Variants in CDRT15L2 observed in about 807,000 individuals in gnomAD.
The protein encoded by CDRT15L2 is CMT1A duplicated region transcript 15 protein-like protein.
In CDRT15L2, 13 loss-of-function variants were observed where a neutral mutation model predicts 21.5. The observed-to-expected ratio is 0.60, with a 90% CI of 0.39 to 0.96. CDRT15L2 has a LOEUF of 0.96. Among genes scored for constraint, CDRT15L2 ranks in the 40% least tolerant of loss-of-function variants. CDRT15L2 has a pLI of 0.00. For synonymous variants in CDRT15L2, 121 were observed against 144.9 expected (o/e 0.84, Z 1.18); for missense variants, 292 against 354.8 (o/e 0.82, Z 1.42).
chr17:20,580,611 G>A lies in CDRT15L2; in HGVS notation c.728G>A (p.Arg243Lys). The change falls in exon 2 of 2, where the codon AGA becomes AAA. Residue 243 changes from arginine to lysine, a missense_variant. Coordinates refer to ENST00000399044, the MANE Select transcript of CDRT15L2 (RefSeq NM_001190790.2). ...LKSIKTRLGR[R>K]VPAAPPALRR... The stretch of plus-strand genomic sequence containing the variant: ...AGCATTAAAACAAGGCTGGGAAGAA[G>A]AGTTCCAGCAGCTCCTCCTGCTCTC... The A allele has an allele frequency of 6.4e-7, 1 of 1,551,664 alleles. No individual in the cohort carries two copies. The highest frequency in any genetic ancestry group is 8.7e-7 in the Non-Finnish European group (1 of 1,147,058).
Position 20,580,658 on chromosome 17 carries a change from G to A in CDRT15L2, c.775G>A (p.Ala259Thr). The A allele has an allele frequency of 6.4e-7, 1 of 1,556,876 alleles. No individual in the cohort carries two copies. Among genetic ancestry groups the A allele is most frequent in the South Asian group, 1.2e-5 (1 of 84,362 alleles). The change falls in exon 2 of 2, where the codon GCA becomes ACA. Residue 259 changes from alanine (A) to threonine (T), a missense_variant. Transcript: ENST00000399044. Reference sequence around the variant, plus strand: ...TCTCAGACGCAATCTTCTCCTCCAGGCATGGAAGTGTGTCTGCAACTGGGC... The same window carrying A: ...TCTCAGACGCAATCTTCTCCTCCAGACATGGAAGTGTGTCTGCAACTGGGC... ...PALRRNLLLQ[A>T]WKCVCNWASR...
rs775897182 is a variant in CDRT15L2 at position 20,579,850 on chromosome 17, G to A, written c.107G>A (p.Arg36His). Residue 36 changes from arginine (R) to histidine (H), a missense_variant, in exon 1 of 2, where the codon CGC (arginine) becomes CAC (histidine). Transcript: ENST00000399044. ...CRRRLIPHPR[R>H]LWPFVRRRTQ... ...AGAAGGCTCATCCCTCACCCCAGAC[G>A]CCTGTGGCCCTTTGTAAGAAGGCGC... 16 of 1,612,244 alleles carry A rather than the reference G, an allele frequency of 9.9e-6. No individual in the cohort carries two copies. In the South Asian group the frequency reaches 1.1e-4, roughly 11 times the overall value.
Position 20,580,014 on chromosome 17 carries a change from G to T in CDRT15L2, c.265+6G>T, listed in dbSNP as rs1242247607. On this transcript the variant is annotated splice_donor_region_variant and intron_variant, in intron 1 of 1. Coordinates refer to ENST00000399044, the MANE Select transcript of CDRT15L2 (RefSeq NM_001190790.2). ...CATGGAGGCACAGACACATGGTGAG[G>T]TGGCTGCAGCCTGGAAGACTTTGCG... 1.3e-6 allele frequency: 2 copies of T among 1,522,274 alleles called. No individual in the cohort carries two copies. The highest frequency in any genetic ancestry group is 1.8e-6 in the Non-Finnish European group (2 of 1,134,888). The allele number at this position is 1,522,274 out of a possible 1,614,324, so 94.3% of individuals were successfully genotyped here. A position where few individuals can be genotyped will look rare whatever the true frequency, so the allele number is the denominator to read the frequency against.
Position 20,580,347 on chromosome 17 carries a change from G to C in CDRT15L2, c.464G>C (p.Gly155Ala), listed in dbSNP as rs1404244740. ...GLNAGAENVA[G>A]ERSGREGVTS... Reference sequence around the variant, plus strand: ...AATGCTGGAGCTGAAAACGTGGCTGGAGAGAGAAGTGGGAGGGAGGGGGTG... The same window carrying C: ...AATGCTGGAGCTGAAAACGTGGCTGCAGAGAGAAGTGGGAGGGAGGGGGTG... The change falls in exon 2 of 2, where the codon GGA becomes GCA. Residue 155 changes from glycine to alanine, a missense_variant. Gly to Ala is a moderately conservative substitution (Grantham distance 60). Transcript: ENST00000399044. The C allele has an allele frequency of 2.7e-6, 4 of 1,479,516 alleles. No individual in the cohort carries two copies. The highest frequency in any genetic ancestry group is 3.6e-6 in the Non-Finnish European group (4 of 1,108,466). The allele number at this position is 1,479,516 out of a possible 1,614,324, so 91.6% of individuals were successfully genotyped here.
chr17:20,579,753 T>C lies in CDRT15L2; in HGVS notation c.10T>C (p.Cys4Arg). MFS[C>R]CFPTSRGCCF... Reference sequence around the variant, plus strand: ...CGCTCAAGAGAGCAAGATGTTCTCCTGTTGCTTCCCCACTTCGAGAGGTTG... The same window carrying C: ...CGCTCAAGAGAGCAAGATGTTCTCCCGTTGCTTCCCCACTTCGAGAGGTTG... The change falls in exon 1 of 2, where the codon TGT becomes CGT. Residue 4 changes from cysteine (C) to arginine (R), a missense_variant. Physicochemically the swap from Cys to Arg is radical, Grantham distance 180 (BLOSUM62 -3). Transcript: ENST00000399044. 2 of 1,604,222 alleles carry C rather than the reference T, an allele frequency of 1.2e-6. No homozygotes were observed. The highest frequency in any genetic ancestry group is 8.5e-7 in the Non-Finnish European group (1 of 1,176,360).
In CDRT15L2 at chr17:20,580,162, C is replaced by T. The variant is rs1055329969; in HGVS notation, c.279C>T (p.Tyr93=). ...CTCCTTTTTCAGCTCCTGGTCCGTACGCAGACATAGCAGCACTTGCGGCAC... is the reference window on the plus strand; with the variant it reads ...CTCCTTTTTCAGCTCCTGGTCCGTATGCAGACATAGCAGCACTTGCGGCAC... ...MEAQTHAPGP[Y]ADIAALAAPA... Residue 93 remains tyrosine (Y), a synonymous_variant, in exon 2 of 2, where the codon TAC becomes TAT. Coordinates refer to ENST00000399044, the MANE Select transcript of CDRT15L2 (RefSeq NM_001190790.2). 1.7e-5 allele frequency: 25 copies of T among 1,489,006 alleles called. No homozygotes were observed. The highest frequency in any genetic ancestry group is 4.8e-5 in the Admixed American group (2 of 41,664). The allele number at this position is 1,489,006 out of a possible 1,614,324, so 92.2% of individuals were successfully genotyped here.
Position 20,580,021 on chromosome 17 carries a change from C to T in CDRT15L2, c.265+13C>T, listed in dbSNP as rs192887315. 307 of 1,515,168 alleles carry T rather than the reference C, an allele frequency of 2.0e-4. 2 individuals carry two copies. The East Asian group carries it at 7.5e-3, about 37-fold the overall frequency. 93.9% of individuals were successfully genotyped at this position (1,515,168 alleles called of 1,614,324 possible). ...GCACAGACACATGGTGAGGTGGCTG[C>T]AGCCTGGAAGACTTTGCGGGGGCGG... On this transcript the variant is annotated intron_variant, in intron 1 of 1. Coordinates refer to ENST00000399044, the MANE Select transcript of CDRT15L2 (RefSeq NM_001190790.2).
rs147652483 is a variant in CDRT15L2 at position 20,580,084 on chromosome 17, T to C, written c.266-65T>C. ...GGAATGCCTTTGAATTCAGTGAGGT[T>C]GTCTCTGTGTTTGGAAATTCCAGTG... is the stretch of plus-strand genomic sequence containing the variant. On this transcript the variant is annotated intron_variant, in intron 1 of 1. Coordinates refer to ENST00000399044, the MANE Select transcript of CDRT15L2 (RefSeq NM_001190790.2). 592 of 1,474,726 alleles carry C rather than the reference T, an allele frequency of 4.0e-4. 5 individuals carry two copies. The East Asian group carries it at 0.013, about 33-fold the overall frequency. 91.4% of individuals were successfully genotyped at this position (1,474,726 alleles called of 1,614,324 possible).
At position 20,579,988 on chromosome 17, in the gene CDRT15L2, C is replaced by G. The variant is rs781044223; in HGVS notation, c.245C>G (p.Pro82Arg). 5.5e-5 allele frequency: 86 copies of G among 1,554,904 alleles called. No individual in the cohort carries two copies. The African/African-American group carries it at 1.0e-3, about 19-fold the overall frequency. ...IVLVQEEIRE[P>R]MEAQTHAPGP... ...CTTGTCCAGGAGGAGATTCGGGAGC[C>G]CATGGAGGCACAGACACATGGTGAG... Residue 82 changes from proline (P) to arginine (R), a missense_variant, in exon 1 of 2, where the codon CCC becomes CGC. By Grantham distance (103) the Pro-to-Arg change is moderately radical (BLOSUM62 -2). Transcript: ENST00000399044.
rs1328958924 is a variant in CDRT15L2 at position 20,580,184 on chromosome 17, G to A, written c.301G>A (p.Ala101Thr). 2 of 1,476,978 alleles carry A rather than the reference G, an allele frequency of 1.4e-6. No individual in the cohort carries two copies. The highest frequency in any genetic ancestry group is 2.5e-5 in the East Asian group (1 of 40,380). The allele number at this position is 1,476,978 out of a possible 1,614,324, so 91.5% of individuals were successfully genotyped here. A position where few individuals can be genotyped will look rare whatever the true frequency, so the allele number is the denominator to read the frequency against. The change falls in exon 2 of 2, where the codon GCA becomes ACA. Residue 101 changes from alanine to threonine, a missense_variant. Transcript: ENST00000399044. The stretch of plus-strand genomic sequence containing the variant: ...GTACGCAGACATAGCAGCACTTGCG[G>A]CACCGGCTGTCGAGCCAAAGCCAGC... Reference protein sequence around the residue: ...GPYADIAALAAPAVEPKPAWE... With the variant: ...GPYADIAALATPAVEPKPAWE...
rs1389763800 is a variant in CDRT15L2 at position 20,580,614 on chromosome 17, T to A, written c.731T>A (p.Val244Asp). The stretch of plus-strand genomic sequence containing the variant: ...ATTAAAACAAGGCTGGGAAGAAGAG[T>A]TCCAGCAGCTCCTCCTGCTCTCAGA... ...KSIKTRLGRR[V>D]PAAPPALRRN... Residue 244 changes from valine to aspartate, a missense_variant, in exon 2 of 2, where the codon GTT (valine) becomes GAT (aspartate). Val to Asp is a radical substitution (Grantham distance 152). Coordinates refer to ENST00000399044, the MANE Select transcript of CDRT15L2 (RefSeq NM_001190790.2). The A allele has an allele frequency of 5.8e-6, 9 of 1,551,222 alleles. No homozygotes were observed. Among genetic ancestry groups the A allele is most frequent in the Non-Finnish European group, 7.0e-6 (8 of 1,146,972 alleles).
Position 20,580,560 on chromosome 17 carries a change from A to G in CDRT15L2, c.677A>G (p.Tyr226Cys), listed in dbSNP as rs1413906418. Residue 226 changes from tyrosine (Y) to cysteine (C), a missense_variant, in exon 2 of 2, where the codon TAT becomes TGT. Transcript: ENST00000399044. ...GLFIVLILVG[Y>C]ISVKVMLKSI... ...TTTATTGTGCTAATTCTGGTGGGGTATATCTCTGTGAAGGTGATGCTCAAG... is the reference window on the plus strand; with the variant it reads ...TTTATTGTGCTAATTCTGGTGGGGTGTATCTCTGTGAAGGTGATGCTCAAG... 9.0e-6 allele frequency: 14 copies of G among 1,551,106 alleles called. No homozygotes were observed. The highest frequency in any genetic ancestry group is 1.2e-5 in the Non-Finnish European group (14 of 1,147,014).
Position 20,580,585 on chromosome 17 carries a change from G to C in CDRT15L2, c.702G>C (p.Lys234Asn), listed in dbSNP as rs572846761. The change falls in exon 2 of 2, where the codon AAG (lysine) becomes AAC (asparagine). Residue 234 changes from lysine (K) to asparagine (N), a missense_variant. Transcript: ENST00000399044. The stretch of plus-strand genomic sequence containing the variant: ...ATATCTCTGTGAAGGTGATGCTCAA[G>C]AGCATTAAAACAAGGCTGGGAAGAA... ...VGYISVKVML[K>N]SIKTRLGRRV... The C allele has an allele frequency of 2.5e-5, 39 of 1,551,522 alleles. No homozygotes were observed. Among genetic ancestry groups the C allele is most frequent in the Admixed American group, 7.8e-5 (4 of 51,014 alleles).
chr17:20,580,505 G>A lies in CDRT15L2; in HGVS notation c.622G>A (p.Gly208Arg), dbSNP rs116532204. The A allele has an allele frequency of 4.5e-3, 6,997 of 1,548,778 alleles. 258 individuals are homozygous for A. In the African/African-American group the frequency reaches 0.071, roughly 16 times the overall value. Residue 208 changes from glycine to arginine, a missense_variant, in exon 2 of 2, where the codon GGA (glycine) becomes AGA (arginine). Coordinates refer to ENST00000399044, the MANE Select transcript of CDRT15L2 (RefSeq NM_001190790.2). ...TGGAGAGAGGCTTCTCTCATTCGCCGGAACCACAGCCCTGCTGCTGCAGGG... is the reference window on the plus strand; with the variant it reads ...TGGAGAGAGGCTTCTCTCATTCGCCAGAACCACAGCCCTGCTGCTGCAGGG... ...LAGERLLSFA[G>R]TTALLLQGLF... is the part of the protein sequence containing the mutation.
chr17:20,580,024 C>A lies in CDRT15L2; in HGVS notation c.265+16C>A. ...CAGACACATGGTGAGGTGGCTGCAG[C>A]CTGGAAGACTTTGCGGGGGCGGTGC... is the stretch of plus-strand genomic sequence containing the variant. On this transcript the variant is annotated intron_variant, in intron 1 of 1. Transcript: ENST00000399044. 1 of 1,510,368 alleles carries A rather than the reference C, an allele frequency of 6.6e-7. No individual in the cohort carries two copies. The highest frequency in any genetic ancestry group is 1.3e-5 in the South Asian group (1 of 76,632). 93.6% of individuals were successfully genotyped at this position (1,510,368 alleles called of 1,614,324 possible). A position where few individuals can be genotyped will look rare whatever the true frequency, so the allele number is the denominator to read the frequency against.
Position 20,580,569 on chromosome 17 carries a change from T to C in CDRT15L2, c.686T>C (p.Val229Ala), listed in dbSNP as rs11868057. Residue 229 changes from valine to alanine, a missense_variant, in exon 2 of 2, where the codon GTG (valine) becomes GCG (alanine). Transcript: ENST00000399044. ...CTAATTCTGGTGGGGTATATCTCTGTGAAGGTGATGCTCAAGAGCATTAAA... is the reference window on the plus strand; with the variant it reads ...CTAATTCTGGTGGGGTATATCTCTGCGAAGGTGATGCTCAAGAGCATTAAA... ...IVLILVGYIS[V>A]KVMLKSIKTR... is the part of the protein sequence containing the mutation. 5,094 of 1,551,306 alleles carry C rather than the reference T, an allele frequency of 3.3e-3. 141 individuals are homozygous for C. The African/African-American group carries it at 0.063, about 19-fold the overall frequency.
chr17:20,579,791 T>C lies in CDRT15L2; in HGVS notation c.48T>C (p.Asn16=). ...FPTSRGCCFR[N]GGSESLFRQC... is the part of the protein sequence containing the mutation. ...CTTCGAGAGGTTGCTGCTTCAGGAATGGAGGGAGTGAGAGCCTTTTCCGAC... is the reference window on the plus strand; with the variant it reads ...CTTCGAGAGGTTGCTGCTTCAGGAACGGAGGGAGTGAGAGCCTTTTCCGAC... Residue 16 remains asparagine (N), a synonymous_variant, in exon 1 of 2, where the codon AAT becomes AAC. Transcript: ENST00000399044. The C allele has an allele frequency of 6.2e-7, 1 of 1,609,856 alleles. No individual in the cohort carries two copies. The highest frequency in any genetic ancestry group is 8.5e-7 in the Non-Finnish European group (1 of 1,178,948).
chr17:20,580,439 G>A lies in CDRT15L2; in HGVS notation c.556G>A (p.Gly186Ser), dbSNP rs1206938791. 1 of 1,549,544 alleles carries A rather than the reference G, an allele frequency of 6.5e-7. No individual in the cohort carries two copies. The highest frequency in any genetic ancestry group is 2.0e-5 in the Admixed American group (1 of 50,964). The change falls in exon 2 of 2, where the codon GGC becomes AGC. Residue 186 changes from glycine (G) to serine (S), a missense_variant. Transcript: ENST00000399044. ...TCCTGGGCATGGTGGCAAACATGGAGGCGGAGACCAGGGCATTCAGACTGG... is the reference window on the plus strand; with the variant it reads ...TCCTGGGCATGGTGGCAAACATGGAAGCGGAGACCAGGGCATTCAGACTGG... Reference protein sequence around the residue: ...PSPGHGGKHGGGDQGIQTGLL... With the variant: ...PSPGHGGKHGSGDQGIQTGLL...
chr17:20,580,129 G>A lies in CDRT15L2; in HGVS notation c.266-20G>A, dbSNP rs560861774. ...CCAGTGGAAAGTGACTGATGCTGGT[G>A]ACCCTTTCTCCTTTTTCAGCTCCTG... On this transcript the variant is annotated intron_variant, in intron 1 of 1. Transcript: ENST00000399044. 13 of 1,472,026 alleles carry A rather than the reference G, an allele frequency of 8.8e-6. No homozygotes were observed. Among genetic ancestry groups the A allele is most frequent in the African/African-American group, 8.5e-5 (6 of 70,516 alleles). 91.2% of individuals were successfully genotyped at this position (1,472,026 alleles called of 1,614,324 possible). A position where few individuals can be genotyped will look rare whatever the true frequency, so the allele number is the denominator to read the frequency against.
Sources: allele counts gnomAD v4.1 joint callset, GRCh38; gene constraint gnomAD v4.1.1; transcripts MANE v1.5; gene names NCBI Gene and HGNC (gene_info 2026-07-23, HGNC 2026-07-21).